Variants in COLGALT1 observed in about 807,000 individuals in gnomAD.
COLGALT1 encodes the protein collagen beta(1-O)galactosyltransferase 1.
In COLGALT1, 43 loss-of-function variants were observed where a neutral mutation model predicts 60.8. The observed-to-expected ratio is 0.71, with a 90% confidence interval of 0.55 to 0.91. The LOEUF is 0.91. Among genes scored for constraint, COLGALT1 ranks in the 40% least tolerant of loss-of-function variants. The pLI, the probability that COLGALT1 is intolerant of heterozygous loss-of-function variation, is 0.00. For missense variants in COLGALT1, 845 were observed against 880.0 expected (o/e 0.96, Z 0.50); for synonymous variants, 369 against 374.2 (o/e 0.99, Z 0.16).
intron 6 of COLGALT1, among the ~76,000 whole-genome samples, chr19:17,574,691 G>A (rs1358210714): frequency 6.6e-6 from 1 of 151,932 alleles, no homozygotes; most frequent in Non-Finnish European, 1.5e-5. Context: ...ACTGGGGCAG[G>A]CCCCCCACAA....
In COLGALT1 at chr19:17,579,488, G is replaced by A; in HGVS notation, c.1273G>A (p.Asp425Asn). The part of the protein sequence containing the change: ...SHYNIWKEVV[D>N]RGLQKSLVFE... ...GCGGGGCTTCCTCCCTCAGGTGGTGGACCGGGGGCTGCAGAAATCGCTTGT... is the reference window on the plus strand; with the variant it reads ...GCGGGGCTTCCTCCCTCAGGTGGTGAACCGGGGGCTGCAGAAATCGCTTGT... The change falls in exon 10 of 12, where the codon GAC becomes AAC. Residue 425 changes from aspartate (D) to asparagine (N), a missense_variant. Physicochemically the swap from Asp to Asn is conservative, Grantham distance 23. Transcript: ENST00000252599. 6.2e-7 allele frequency: 1 copy of A among 1,614,116 alleles called. No homozygotes were observed. Among genetic ancestry groups the A allele is most frequent in the African/African-American group, 1.3e-5 (1 of 75,034 alleles).
intron 6 of COLGALT1, 192 bp from the exon 7 acceptor site, chr19:17,577,003 T>TGAGAGGCAGGCC (rs1568480813): frequency 2.2e-5 from 13 of 587,538 alleles, no homozygotes; most frequent in Non-Finnish European, 2.4e-5. Context: ...TGGCCAGGGC[T>TGAGAGGCAGGCC]TTGGGCTGCT....
rs943152573 is a variant in COLGALT1 at position 17,580,593 on chromosome 19, C to T, written c.1395-106C>T. ...CACAGAGCTCTGCAAACATGCTGAG[C>T]CTGCTCCCATCCCAGGACCTGACGG... On this transcript the variant is annotated intron_variant, in intron 10 of 11. Coordinates refer to ENST00000252599, the MANE Select transcript of COLGALT1 (RefSeq NM_024656.4). 12 of 1,071,684 alleles carry T rather than the reference C, an allele frequency of 1.1e-5. No individual in the cohort carries two copies. In the African/African-American group the frequency reaches 1.7e-4, roughly 15 times the overall value. 66.4% of individuals were successfully genotyped at this position (1,071,684 alleles called of 1,614,324 possible).
chr19:17,573,064 A>T (rs1045866395), intron 6 of COLGALT1, among the ~76,000 whole-genome samples: 2 of 152,150 alleles, frequency 1.3e-5, no homozygotes, highest in Non-Finnish European at 2.9e-5. Context: ...TATAGAGGAC[A>T]TGAAAACTGA....
At chr19:17,574,001 C>A (rs1310027794) in intron 6 of COLGALT1, among the ~76,000 whole-genome samples, 3 of 151,906 alleles carry the variant, frequency 2.0e-5, no homozygotes, top group Admixed American at 6.6e-5. Context: ...ATAAATAAAA[C>A]TTTAAAAAAA....
chr19:17,559,912 T>C (rs751289619), intron 2 of COLGALT1, among the ~76,000 whole-genome samples: 9 of 152,084 alleles, frequency 5.9e-5, no homozygotes, highest in Non-Finnish European at 1.0e-4. Context: ...CTCAGCCTCC[T>C]GAGTAGCTGG....
In COLGALT1 at chr19:17,568,731, C is replaced by G. The variant is rs1360834698; in HGVS notation, c.829+18C>G. ...GCAGGCAGGTACGTACATGAGGGGT[C>G]TGCCATCGCAGGGGCATCTGCCTGG... is the stretch of plus-strand genomic sequence containing the variant. On this transcript the variant is annotated intron_variant, in intron 5 of 11. Coordinates refer to ENST00000252599, the MANE Select transcript of COLGALT1 (RefSeq NM_024656.4). The G allele has an allele frequency of 6.2e-7, 1 of 1,613,196 alleles. No individual in the cohort carries two copies. The highest frequency in any genetic ancestry group is 1.1e-5 in the South Asian group (1 of 91,048).
intron 11 of COLGALT1, 62 bp downstream of exon 11, chr19:17,580,967 G>A (rs1453946940): frequency 3.2e-6 from 5 of 1,581,508 alleles, no homozygotes; most frequent in East Asian, 2.2e-5. Context: ...GGGAGAATGG[G>A]GATGTGAGAC....
chr19:17,567,659 C>G, intron 4 of COLGALT1, 119 bp downstream of exon 4: 1 of 1,212,958 alleles, frequency 8.2e-7, no homozygotes, highest in East Asian at 2.6e-5. Context: ...ATCATGGAAG[C>G]TGGGCACGGT....
At position 17,555,892 on chromosome 19, in the gene COLGALT1, C is replaced by T; in HGVS notation, c.179C>T (p.Ala60Val). The T allele has an allele frequency of 1.4e-6, 2 of 1,394,308 alleles. No individual in the cohort carries two copies. Among genetic ancestry groups the T allele is most frequent in the South Asian group, 1.5e-5 (1 of 67,820 alleles). 86.4% of individuals were successfully genotyped at this position (1,394,308 alleles called of 1,614,324 possible). ...CCGCGCGTGCTCATCGCGCTGTTGG[C>T]GCGAAACGCGGCCCACGCGTTGCCC... Reference protein sequence around the residue: ...QAPRVLIALLARNAAHALPTT... With the variant: ...QAPRVLIALLVRNAAHALPTT... Residue 60 changes from alanine (A) to valine (V), a missense_variant, in exon 1 of 12, where the codon GCG (alanine) becomes GTG (valine). Coordinates refer to ENST00000252599, the MANE Select transcript of COLGALT1 (RefSeq NM_024656.4).
At chr19:17,565,994 TC>T (rs1388444931) in intron 3 of COLGALT1, 1 of 152,112 alleles carries the variant, frequency 6.6e-6, no homozygotes, top group Admixed American at 6.6e-5. Context: ...TTGTTGTTGT[TC>T]ATGGCAGTTA....
intron 5 of COLGALT1, 40 bp downstream of exon 5, chr19:17,568,753 C>T: frequency 6.2e-7 from 1 of 1,604,726 alleles, no homozygotes; most frequent in Non-Finnish European, 8.5e-7. Context: ...GGGCATCTGC[C>T]TGGTTCTTTG....
intron 8 of COLGALT1, 105 bp downstream of exon 8, chr19:17,577,572 C>G: frequency 9.4e-7 from 1 of 1,067,004 alleles, no homozygotes; most frequent in Non-Finnish European, 1.3e-6. Context: ...GCGTGGTGTC[C>G]AAACAGATGT....
intron 1 of COLGALT1, among the ~76,000 whole-genome samples, chr19:17,556,349 C>T (rs1008550944): frequency 7.9e-5 from 12 of 152,246 alleles, no homozygotes; most frequent in African/African-American, 2.9e-4. Flanking sequence ...GGGGCACGTA[C>T]ACCTCCAAAG....
intron 5 of COLGALT1, 101 bp from the exon 6 acceptor site, chr19:17,572,382 G>T: frequency 7.0e-6 from 11 of 1,568,086 alleles, no homozygotes; most frequent in Non-Finnish European, 9.6e-6. Flanking sequence ...GACCTCAAGC[G>T]ATCCTCCTGC....
rs532040175 is a variant in COLGALT1 at position 17,568,186 on chromosome 19, C to A, written c.625-323C>A. On this transcript the variant is annotated intron_variant, in intron 4 of 11. Transcript: ENST00000252599. ...GTTTGGATAACTGTCTTTCTCCATC[C>A]TTTGGGTGGGTTCATTCTCAGACAG... is the stretch of plus-strand genomic sequence containing the variant. Among the ~76,000 whole-genome samples, 143 of 152,252 alleles carry A rather than the reference C, an allele frequency of 9.4e-4. 1 individual carries two copies. The highest frequency in any genetic ancestry group is 3.2e-3 in the African/African-American group (132 of 41,562).
intron 2 of COLGALT1, 83 bp downstream of exon 2, chr19:17,559,504 C>A: frequency 9.4e-7 from 1 of 1,065,938 alleles, no homozygotes; most frequent in Non-Finnish European, 1.4e-6. Flanking sequence ...TGCCCCAGAA[C>A]AATTACAGGC....
chr19:17,559,878 C>T (rs1423460105), intron 2 of COLGALT1, among the ~76,000 whole-genome samples: 1 of 152,114 alleles, frequency 6.6e-6, no homozygotes, highest in African/African-American at 2.4e-5. Context: ...GCCTTTAACT[C>T]CTGGGCTCAA....
chr19:17,578,751 C>T (rs1419528160), intron 9 of COLGALT1, among the ~76,000 whole-genome samples: 2 of 152,200 alleles, frequency 1.3e-5, no homozygotes, highest in African/African-American at 4.8e-5. Context: ...TGGCTCATGC[C>T]TGTAATCTCA....
Sources: gnomAD v4.1 joint callset for allele counts (sites outside exome capture counted in the v4.1 genomes callset) on GRCh38, gnomAD v4.1.1 for gene constraint, MANE v1.5 for transcripts, NCBI Gene and HGNC (gene_info 2026-07-23, HGNC 2026-07-21) for gene names.